MECR: variants seen among roughly 807,000 people sequenced by gnomAD.
MECR encodes mitochondrial trans-2-enoyl-CoA reductase.
In MECR, 37 loss-of-function variants were observed where a neutral mutation model predicts 49.1. The observed-to-expected ratio is 0.75, with a 90% CI of 0.58 to 0.99. The LOEUF is 0.99. Ranked by LOEUF, MECR falls within the 50% of genes least tolerant of loss-of-function variation. The pLI is 0.00. For synonymous variants in MECR, 198 were observed against 191.1 expected (o/e 1.04, Z -0.30); for missense variants, 470 against 479.6 (o/e 0.98, Z 0.19).
At chr1:29,200,706 G>T in intron 6 of MECR, 117 bp from the exon 7 acceptor site, 1 of 784,452 alleles carries the variant, frequency 1.3e-6, no homozygotes, top group Non-Finnish European at 2.2e-6. Flanking sequence ...GCCTTTGTTT[G>T]CGTGCACGTA....
intron 1 of MECR, among the ~76,000 whole-genome samples, chr1:29,222,955 A>C (rs151233611): frequency 6.6e-6 from 1 of 152,314 alleles, no homozygotes; most frequent in Non-Finnish European, 1.5e-5. Context: ...CTGAGACAGG[A>C]GGGAAAACAG....
intron 3 of MECR, 64 bp downstream of exon 3, chr1:29,215,941 C>T (rs186376204): frequency 5.0e-6 from 8 of 1,595,314 alleles, no homozygotes; most frequent in African/African-American, 1.3e-5. Context: ...CAGTGGATGC[C>T]GACAGAGTGG....
At chr1:29,211,088 G>GTTTTTTT (rs112758931) in intron 3 of MECR, among the ~76,000 whole-genome samples, 2 of 144,122 alleles carry the variant, frequency 1.4e-5, no homozygotes. Context: ...TAAATAAAGG[G>GTTTTTTT]TTTTTTTTTT....
chr1:29,174,997 AAAAAG>A, the MECR span, among the ~76,000 whole-genome samples: 4 of 151,024 alleles, frequency 2.6e-5, no homozygotes, highest in Admixed American at 6.6e-5. Context: ...TAAAAAAAAA[AAAAAG>A]AAAAGAAGAG....
the MECR span, among the ~76,000 whole-genome samples, chr1:29,175,694 C>CAAAAAAAAAAAAAAAAAA: frequency 2.6e-5 from 1 of 38,588 alleles, no homozygotes; most frequent in African/African-American, 1.3e-4. Flanking sequence ...GACGCTGTCT[C>CAAAAAAAAAAAAAAAAAA]AAAAAAAAAA....
chr1:29,167,937 T>C, the MECR span, among the ~76,000 whole-genome samples: 1 of 151,786 alleles, frequency 6.6e-6, no homozygotes. Context: ...AAGGAGCTCA[T>C]GAGTGAAGGA....
the MECR span, among the ~76,000 whole-genome samples, chr1:29,183,379 ATTTCTCTCTCTCTC>A: frequency 0.012 from 1,880 of 152,154 alleles, 44 homozygotes; most frequent in African/African-American, 0.043. Context: ...GTAACTTTGC[ATTTCTCTCTCTCTC>A]TTTCTCTCTC....
At chr1:29,175,841 A>G in the MECR span, among the ~76,000 whole-genome samples, 5 of 151,998 alleles carry the variant, frequency 3.3e-5, no homozygotes, top group Non-Finnish European at 5.9e-5. Flanking sequence ...ACCTCTTCTT[A>G]GATAATCCTA....
chr1:29,218,590 T>C (rs937230682), intron 1 of MECR, among the ~76,000 whole-genome samples: 1 of 152,172 alleles, frequency 6.6e-6, no homozygotes, highest in African/African-American at 2.4e-5. Context: ...TGTTTTATAA[T>C]AGCTGGGCAC....
chr1:29,230,751 C>G lies in MECR; in HGVS notation c.156G>C (p.Gly52=). 1 of 1,588,512 alleles carries G rather than the reference C, an allele frequency of 6.3e-7. No homozygotes were observed. ...RVRALVYGHH[G]DPAKVVELKN... ...CTTACTCGACGACCTTGGCTGGATC[C>G]CCGTGGTGCCCATAGACAAGCGCCC... The change falls in exon 1 of 10, where the codon GGG becomes GGC. Residue 52 remains glycine, a synonymous_variant. Coordinates refer to ENST00000263702, the MANE Select transcript of MECR (RefSeq NM_016011.5).
At chr1:29,187,608 T>A in the MECR span, among the ~76,000 whole-genome samples, 1 of 151,416 alleles carries the variant, frequency 6.6e-6, no homozygotes, top group African/African-American at 2.4e-5. Context: ...TTTTTTTTCC[T>A]TTTTTTGTTG....
At position 29,230,760 on chromosome 1, in the gene MECR, C is replaced by T. The variant is rs772421462; in HGVS notation, c.147G>A (p.Gly49=). 6.3e-7 allele frequency: 1 copy of T among 1,593,804 alleles called. No homozygotes were observed. The highest frequency in any genetic ancestry group is 8.5e-7 in the Non-Finnish European group (1 of 1,170,668). The change falls in exon 1 of 10, where the codon GGG becomes GGA. Residue 49 remains glycine (G), a synonymous_variant. Transcript: ENST00000263702. ...CGACCTTGGCTGGATCCCCGTGGTG[C>T]CCATAGACAAGCGCCCGGACCCGGG... ...EPARVRALVY[G]HHGDPAKVVE... is the part of the protein sequence containing the mutation.
chr1:29,205,567 C>G (rs543264757), intron 4 of MECR, among the ~76,000 whole-genome samples: 2 of 151,576 alleles, frequency 1.3e-5, no homozygotes, highest in African/African-American at 4.8e-5. Context: ...GTGGGTGGCT[C>G]GCGCCTGTAA....
chr1:29,181,619 G>C, the MECR span: 6 of 1,561,240 alleles, frequency 3.8e-6, no homozygotes, highest in Admixed American at 5.5e-5. Context: ...GTCCCCGCCC[G>C]GCCGGACCCT....
rs760827495 is a variant in MECR, at chr1:29,201,358, G to T, written c.756+585C>A. 1.9e-6 allele frequency: 1 copy of T among 530,318 alleles called. No individual in the cohort carries two copies. The allele number at this position is 530,318 out of a possible 1,614,324, so 32.9% of individuals were successfully genotyped here. On this transcript the variant is annotated intron_variant, in intron 6 of 9. Coordinates refer to ENST00000263702, the MANE Select transcript of MECR (RefSeq NM_016011.5). This position sits in a 1 kb window ranked among gnomAD's most constrained non-coding sequence, Gnocchi z 4.3. ...AGATGGTTCAGTGAAAAGGGGCTGAGGGTCTGGTCACTTACTAGGCATGTT... is the reference window on the plus strand; with the variant it reads ...AGATGGTTCAGTGAAAAGGGGCTGATGGTCTGGTCACTTACTAGGCATGTT...
chr1:29,212,786 A>C (rs913908289), intron 3 of MECR, among the ~76,000 whole-genome samples: 8 of 152,214 alleles, frequency 5.3e-5, no homozygotes, highest in African/African-American at 1.7e-4. Context: ...CTCTGTTGGT[A>C]CCCCTCGCAC....
chr1:29,217,702 G>C (rs1269927442), intron 1 of MECR, among the ~76,000 whole-genome samples: 1 of 152,168 alleles, frequency 6.6e-6, no homozygotes, highest in Non-Finnish European at 1.5e-5. Flanking sequence ...TTACCAACCG[G>C]GGTATCTTGG....
the MECR span, among the ~76,000 whole-genome samples, chr1:29,182,522 G>T: frequency 2.0e-5 from 3 of 152,056 alleles, no homozygotes; most frequent in East Asian, 5.8e-4. Flanking sequence ...ATGACGCCGA[G>T]TAAATTACTT....
chr1:29,181,885 A>T, the MECR span: 1 of 622,554 alleles, frequency 1.6e-6, no homozygotes, highest in South Asian at 3.7e-5. Context: ...AACCCCGGCG[A>T]CGTACGCGAG....
Sources: gnomAD v4.1 joint callset for allele counts (sites outside exome capture counted in the v4.1 genomes callset) on GRCh38, gnomAD v4.1.1 for gene constraint, Gnocchi (gnomAD v3.1) non-coding constraint, MANE v1.5 for transcripts, NCBI Gene and HGNC (gene_info 2026-07-23, HGNC 2026-07-21) for gene names.